Variants in EYS observed in about 807,000 individuals in gnomAD.
The protein encoded by EYS is protein eyes shut homolog.
EYS carries 250 observed loss-of-function variants against 282.1 expected under a neutral mutation model. The ratio of observed to expected loss-of-function variants is 0.89; its 90% CI spans 0.80 to 0.98. The LOEUF is 0.98. Among genes scored for constraint, EYS ranks in the 50% least tolerant of loss-of-function variants. EYS has a pLI of 0.00. For missense variants in EYS, 4,016 were observed against 3,709.0 expected (o/e 1.08, Z -2.15); for synonymous variants, 1,355 against 1,282.9 (o/e 1.06, Z -1.20).
At chr6:63,747,590 T>C (rs1769241413) in intron 41 of EYS, among the ~76,000 whole-genome samples, 1 of 152,188 alleles carries the variant, frequency 6.6e-6, no homozygotes, top group African/African-American at 2.4e-5. Context: ...TGAGTCTCTT[T>C]GCAGGGCTCT....
intron 11 of EYS, among the ~76,000 whole-genome samples, chr6:65,316,848 A>G (rs1381855277): frequency 3.9e-5 from 6 of 152,114 alleles, no homozygotes; most frequent in African/African-American, 1.2e-4. Context: ...CATGTTGTAT[A>G]TGTGCCACAT....
intron 33 of EYS, among the ~76,000 whole-genome samples, chr6:64,008,808 T>C (rs968897057): frequency 2.0e-5 from 3 of 152,228 alleles, no homozygotes; most frequent in Non-Finnish European, 4.4e-5. Flanking sequence ...CTCTTCTTGC[T>C]TTTAGGGTTT....
intron 30 of EYS, among the ~76,000 whole-genome samples, chr6:64,232,513 C>G (rs1766454646): frequency 6.6e-6 from 1 of 152,200 alleles, no homozygotes; most frequent in South Asian, 2.1e-4. Flanking sequence ...TCTCAGCTTC[C>G]CGAGTAGCTG....
chr6:65,596,720 A>C (rs1765420333), intron 2 of EYS, among the ~76,000 whole-genome samples: 1 of 152,096 alleles, frequency 6.6e-6, no homozygotes, highest in African/African-American at 2.4e-5. Context: ...ACAAAAAAAT[A>C]AGGAATGGTA....
intron 21 of EYS, among the ~76,000 whole-genome samples, chr6:64,815,725 G>A (rs759262633): frequency 2.6e-5 from 4 of 152,058 alleles, no homozygotes; most frequent in African/African-American, 4.8e-5. Flanking sequence ...AGTATTTAGA[G>A]AAAGAGATGG....
intron 22 of EYS, among the ~76,000 whole-genome samples, chr6:64,802,023 C>CTTTTTTTCTT (rs1663451250): frequency 5.7e-5 from 4 of 70,780 alleles, no homozygotes; most frequent in Admixed American, 2.1e-4. Context: ...ATTTCTTTTT[C>CTTTTTTTCTT]TTTTTTTTTC....
At chr6:64,226,482 A>T (rs886622121) in intron 31 of EYS, among the ~76,000 whole-genome samples, 7 of 152,120 alleles carry the variant, frequency 4.6e-5, no homozygotes, top group Non-Finnish European at 1.0e-4. Flanking sequence ...TAATCTTATA[A>T]TTAATAGTCA....
At chr6:64,375,387 C>T (rs1484500041) in intron 29 of EYS, among the ~76,000 whole-genome samples, 1 of 152,184 alleles carries the variant, frequency 6.6e-6, no homozygotes, top group Non-Finnish European at 1.5e-5. Flanking sequence ...ATTAACTCTT[C>T]ATTGAAAACA....
At chr6:64,315,830 C>A (rs1224171871) in intron 29 of EYS, among the ~76,000 whole-genome samples, 3 of 151,902 alleles carry the variant, frequency 2.0e-5, no homozygotes, top group Non-Finnish European at 4.4e-5. Flanking sequence ...AAAATGCTGG[C>A]AAACTGAATC....
At chr6:63,945,240 A>C (rs1038557330) in intron 35 of EYS, among the ~76,000 whole-genome samples, 1 of 152,174 alleles carries the variant, frequency 6.6e-6, no homozygotes, top group Non-Finnish European at 1.5e-5. Flanking sequence ...ATCCTTCTCC[A>C]CATGGCGGCA....
chr6:65,370,864 TAGTA>T (rs879907601), intron 8 of EYS, among the ~76,000 whole-genome samples: 32 of 151,964 alleles, frequency 2.1e-4, no homozygotes, highest in Non-Finnish European at 3.8e-4. Flanking sequence ...GGAAGAAAGT[TAGTA>T]CCATATAAAG....
At chr6:64,962,339 T>C (rs1465881554) in intron 14 of EYS, among the ~76,000 whole-genome samples, 2 of 152,142 alleles carry the variant, frequency 1.3e-5, no homozygotes, top group African/African-American at 2.4e-5. Context: ...ATAAACTGTT[T>C]ATCTAATTTA....
At chr6:65,285,839 T>C (rs1166581804) in intron 12 of EYS, among the ~76,000 whole-genome samples, 1 of 151,928 alleles carries the variant, frequency 6.6e-6, no homozygotes, top group Non-Finnish European at 1.5e-5. Flanking sequence ...ATTTAACTTA[T>C]AATGGTATAA....
chr6:63,949,753 T>C (rs1245285560), intron 35 of EYS, among the ~76,000 whole-genome samples: 3 of 152,236 alleles, frequency 2.0e-5, no homozygotes, highest in Non-Finnish European at 4.4e-5. Flanking sequence ...CTATTACTCC[T>C]AAAATAACAA....
chr6:64,223,263 T>TA (rs1766156313), intron 31 of EYS, among the ~76,000 whole-genome samples: 1 of 152,182 alleles, frequency 6.6e-6, no homozygotes, highest in East Asian at 1.9e-4. Flanking sequence ...TGATATTTTC[T>TA]ACTTTCCATT....
At chr6:65,460,074 TAC>T (rs71002308) in intron 5 of EYS, among the ~76,000 whole-genome samples, 16,916 of 135,132 alleles carry the variant, frequency 0.13, 1,713 homozygotes, top group African/African-American at 0.27. Flanking sequence ...TATATATGTA[TAC>T]ACACACACAC....
chr6:63,858,092 A>C (rs1273593905), intron 36 of EYS, among the ~76,000 whole-genome samples: 1 of 152,176 alleles, frequency 6.6e-6, no homozygotes, highest in African/African-American at 2.4e-5. Context: ...CTGTTCAAAG[A>C]GCTCAGGGAC....
In EYS at chr6:65,418,298, G is replaced by A. The variant is rs568748342; in HGVS notation, c.863-12931C>T. On this transcript the variant is annotated intron_variant, in intron 5 of 42. Coordinates refer to ENST00000503581, the MANE Select transcript of EYS (RefSeq NM_001142800.2). ...TAATACAGAGAAGACCTGTCAAATGGTATTTCTGGTTCTAGATCCTTGAGG... is the reference window on the plus strand; with the variant it reads ...TAATACAGAGAAGACCTGTCAAATGATATTTCTGGTTCTAGATCCTTGAGG... Among the ~76,000 whole-genome samples the A allele has an allele frequency of 2.0e-5, 3 of 152,086 alleles. No homozygotes were observed. The South Asian group carries it at 6.2e-4, about 32-fold the overall frequency.
At chr6:65,324,038 C>T (rs1769550067) in intron 11 of EYS, among the ~76,000 whole-genome samples, 1 of 152,040 alleles carries the variant, frequency 6.6e-6, no homozygotes, top group African/African-American at 2.4e-5. Flanking sequence ...TACCTCAGGG[C>T]CTTTACACCT....
Sources: allele counts gnomAD v4.1 joint callset (sites outside exome capture counted in the v4.1 genomes callset), GRCh38; gene constraint gnomAD v4.1.1; transcripts MANE v1.5; gene names NCBI Gene and HGNC (gene_info 2026-07-23, HGNC 2026-07-21).